The following SORCS2 variants were observed in gnomAD, a reference collection of about 807,000 sequenced individuals.
SORCS2 encodes VPS10 domain-containing receptor SorCS2.
Under a neutral mutation model 141.6 loss-of-function variants are expected in SORCS2, and 100 were observed. The ratio of observed to expected loss-of-function variants is 0.71; its 90% CI spans 0.60 to 0.83. SORCS2 has a LOEUF of 0.83. SORCS2 is among the 40% of genes least tolerant of loss of function. The pLI, the probability that SORCS2 is intolerant of heterozygous loss-of-function variation, is 0.00. For synonymous variants in SORCS2, 789 were observed against 676.9 expected (o/e 1.17, Z -2.57); for missense variants, 1,646 against 1,560.2 (o/e 1.05, Z -0.93).
rs558730570 is a variant in SORCS2 at position 7,545,552 on chromosome 4, C to A, written c.648+13923C>A. Among the ~76,000 whole-genome samples the A allele has an allele frequency of 2.6e-5, 4 of 152,308 alleles. No individual in the cohort carries two copies. In the South Asian group the frequency reaches 8.3e-4, roughly 32 times the overall value. Reference sequence around the variant, plus strand: ...GTGACTGTGGCCACCATGTTAGAGACAAGAACACAGGCTCACCAAGGCTCA... The same window carrying A: ...GTGACTGTGGCCACCATGTTAGAGAAAAGAACACAGGCTCACCAAGGCTCA... On this transcript the variant is annotated intron_variant, in intron 3 of 26. Transcript: ENST00000507866.
At chr4:7,210,147 A>G (rs1468227022) in intron 1 of SORCS2, among the ~76,000 whole-genome samples, 3 of 152,202 alleles carry the variant, frequency 2.0e-5, no homozygotes, top group South Asian at 2.1e-4. Context: ...GAAGGACGTC[A>G]TCAGCCTTGT....
intron 2 of SORCS2, among the ~76,000 whole-genome samples, chr4:7,406,814 G>A (rs887812488): frequency 2.0e-5 from 3 of 151,492 alleles, no homozygotes; most frequent in Non-Finnish European, 4.4e-5. Flanking sequence ...TAAAGTTTAT[G>A]TTTATTGCTA....
chr4:7,333,641 G>A (rs561331459), intron 1 of SORCS2, among the ~76,000 whole-genome samples: 4 of 152,254 alleles, frequency 2.6e-5, no homozygotes, highest in Non-Finnish European at 4.4e-5. Flanking sequence ...CCCTGACTGC[G>A]TGTGCCATTG....
At chr4:7,208,139 G>A (rs1404421732) in intron 1 of SORCS2, among the ~76,000 whole-genome samples, 2 of 152,020 alleles carry the variant, frequency 1.3e-5, no homozygotes, top group African/African-American at 4.8e-5. Context: ...GAAGACCACC[G>A]AGGCGGCCCC....
At chr4:7,368,330 G>T (rs550373946) in intron 1 of SORCS2, among the ~76,000 whole-genome samples, 9 of 152,326 alleles carry the variant, frequency 5.9e-5, no homozygotes, top group Admixed American at 1.3e-4. Context: ...AACTAATAAA[G>T]CCGGAGAGAA....
intron 2 of SORCS2, among the ~76,000 whole-genome samples, chr4:7,530,948 CTCTGGTACCTG>C (rs1189678624): frequency 6.6e-6 from 1 of 152,176 alleles, no homozygotes; most frequent in East Asian, 1.9e-4. Context: ...GCTGCCCGAA[CTCTGGTACCTG>C]CCTGCGGTCT....
intron 1 of SORCS2, among the ~76,000 whole-genome samples, chr4:7,324,107 C>T (rs1418947097): frequency 1.3e-5 from 2 of 152,202 alleles, no homozygotes; most frequent in African/African-American, 2.4e-5. Flanking sequence ...CCACAACCAG[C>T]AGGTGGCGGG....
intron 3 of SORCS2, among the ~76,000 whole-genome samples, chr4:7,561,215 T>G (rs1714521533): frequency 6.6e-6 from 1 of 152,180 alleles, no homozygotes; most frequent in Non-Finnish European, 1.5e-5. Context: ...GTTTTTAATT[T>G]GTCATACAGG....
chr4:7,616,764 G>T (rs1313815360), intron 3 of SORCS2, among the ~76,000 whole-genome samples: 1 of 152,226 alleles, frequency 6.6e-6, no homozygotes, highest in African/African-American at 2.4e-5. Flanking sequence ...AACTTAAAGA[G>T]CTTGTTTTAA....
At chr4:7,466,907 G>T (rs925310974) in intron 2 of SORCS2, among the ~76,000 whole-genome samples, 4 of 152,130 alleles carry the variant, frequency 2.6e-5, no homozygotes, top group African/African-American at 9.7e-5. Flanking sequence ...GATGGAAATG[G>T]ACCTAAATGC....
intron 1 of SORCS2, among the ~76,000 whole-genome samples, chr4:7,278,794 T>C (rs1463116728): frequency 1.3e-5 from 2 of 152,182 alleles, no homozygotes; most frequent in East Asian, 1.9e-4. Context: ...AATGGATCAG[T>C]TGGGATGCAG....
chr4:7,434,555 A>G, intron 2 of SORCS2: 1 of 1,613,442 alleles, frequency 6.2e-7, no homozygotes, highest in Non-Finnish European at 8.5e-7. Flanking sequence ...TCCACCATCC[A>G]CTTGCATCCG....
chr4:7,438,454 A>G (rs766018915), intron 2 of SORCS2, among the ~76,000 whole-genome samples: 8 of 152,230 alleles, frequency 5.3e-5, no homozygotes, highest in Non-Finnish European at 1.0e-4. Context: ...CAACATTTAG[A>G]AAGGTATTCT....
At chr4:7,382,127 C>T (rs1314044261) in intron 1 of SORCS2, 7 of 332,158 alleles carry the variant, frequency 2.1e-5, no homozygotes, top group East Asian at 1.7e-4. Flanking sequence ...GCTGGTGGAG[C>T]GGGGAGGCAT....
In SORCS2 at chr4:7,741,164, CACCAGATGT is replaced by C; in HGVS notation, c.*906_*914del. The C allele has an allele frequency of 2.5e-6, 1 of 398,662 alleles. No homozygotes were observed. Among genetic ancestry groups the C allele is most frequent in the Admixed American group, 4.4e-5 (1 of 22,732 alleles). The allele number at this position is 398,662 out of a possible 1,614,324, so 24.7% of individuals were successfully genotyped here. A position where few individuals can be genotyped will look rare whatever the true frequency, so the allele number is the denominator to read the frequency against. Reference sequence around the variant, plus strand: ...CCAGAAAGGTGGGTGGTGGAGACGGCACCAGATGTACCAGTTTTCTGCAGTTCCTTATAG... The same window carrying C: ...CCAGAAAGGTGGGTGGTGGAGACGGCACCAGTTTTCTGCAGTTCCTTATAG... On this transcript the variant is annotated 3_prime_UTR_variant, in exon 27 of 27. Transcript: ENST00000507866.
At chr4:7,730,646 G>T (rs1010222150) in intron 23 of SORCS2, among the ~76,000 whole-genome samples, 6 of 152,206 alleles carry the variant, frequency 3.9e-5, no homozygotes, top group Admixed American at 3.9e-4. Context: ...AAAAGACCAC[G>T]TAGCGTACAA....
chr4:7,615,078 A>C (rs961856067), intron 3 of SORCS2, among the ~76,000 whole-genome samples: 2 of 152,178 alleles, frequency 1.3e-5, no homozygotes, highest in African/African-American at 4.8e-5. Flanking sequence ...CTCTCTGTCT[A>C]CCCATCCATC....
At chr4:7,450,280 C>A (rs1295824327) in intron 2 of SORCS2, among the ~76,000 whole-genome samples, 1 of 152,190 alleles carries the variant, frequency 6.6e-6, no homozygotes, top group Non-Finnish European at 1.5e-5. Context: ...CGGTGTGTGA[C>A]CCTCTAGGCT....
rs529701988 is a variant in SORCS2, at chr4:7,221,543, G to C, written c.480+28417G>C. On this transcript the variant is annotated intron_variant, in intron 1 of 26. Transcript: ENST00000507866. ...ACCCCAAGTCACCCACCTCTGAGCA[G>C]AACTGTTGCAGCCACAGGGATGTCG... Among the ~76,000 whole-genome samples, 3 of 152,372 alleles carry C rather than the reference G, an allele frequency of 2.0e-5. No homozygotes were observed. In the South Asian group the frequency reaches 6.2e-4, roughly 32 times the overall value.
Sources: gnomAD v4.1 joint callset for allele counts (sites outside exome capture counted in the v4.1 genomes callset) on GRCh38, gnomAD v4.1.1 for gene constraint, MANE v1.5 for transcripts, NCBI Gene and HGNC (gene_info 2026-07-23, HGNC 2026-07-21) for gene names.